Variants in DHX36 observed in about 807,000 individuals in gnomAD.
The protein encoded by DHX36 is DEAH-box helicase 36.
DHX36 carries 50 observed loss-of-function variants against 139.0 expected under a neutral mutation model. The ratio of observed to expected loss-of-function variants is 0.36; its 90% CI spans 0.29 to 0.46. The LOEUF is 0.46. Ranked by LOEUF, DHX36 falls within the 20% of genes least tolerant of loss-of-function variation. DHX36 has a pLI of 1.00. For missense variants in DHX36, 1,024 were observed against 1,211.3 expected (o/e 0.85, Z 2.29); for synonymous variants, 425 against 401.9 (o/e 1.06, Z -0.69).
chr3:154,295,788 T>C (rs1712024759), intron 12 of DHX36, among the ~76,000 whole-genome samples: 1 of 152,200 alleles, frequency 6.6e-6, no homozygotes, highest in African/African-American at 2.4e-5. Context: ...TATTTTTTTG[T>C]TGTTCAGTCA....
chr3:154,324,300 G>A lies in DHX36; in HGVS notation c.117C>T (p.Gly39=), dbSNP rs780937614. 5.6e-6 allele frequency: 9 copies of A among 1,604,630 alleles called. No individual in the cohort carries two copies. The South Asian group carries it at 8.9e-5, about 16-fold the overall frequency. The change falls in exon 1 of 25, where the codon GGC becomes GGT. Residue 39 remains glycine, a synonymous_variant. Transcript: ENST00000496811. ...GHGGNRGSGG[G]GGGGGGGRGG... ...CTCGACCACCCCCTCCGCCGCCGCC[G>A]CCTCCTCCGGAGCCTCGGTTACCTC...
intron 2 of DHX36, 128 bp from the exon 3 acceptor site, chr3:154,315,408 T>C: frequency 3.3e-6 from 2 of 605,970 alleles, no homozygotes. Context: ...TTCTTTTCTC[T>C]TAGTACAGTA....
chr3:154,294,033 C>G (rs141451669), intron 13 of DHX36, among the ~76,000 whole-genome samples: 95 of 152,276 alleles, frequency 6.2e-4, no homozygotes, highest in African/African-American at 2.1e-3. Flanking sequence ...CCACAGATGT[C>G]ACAATCTTAT....
In DHX36 at chr3:154,296,043, C is replaced by G. The variant is rs182648840; in HGVS notation, c.1550-704G>C. 3.1e-3 allele frequency among the ~76,000 whole-genome samples: 473 copies of G among 152,310 alleles called. 1 individual carries two copies. The highest frequency in any genetic ancestry group is 0.01 in the Middle Eastern group (3 of 294). On this transcript the variant is annotated intron_variant, in intron 12 of 24. Transcript: ENST00000496811. ...TCAGCCTTCCGAAGTACTGGGATTA[C>G]AGATTACAGGCATGAGCCCTGCACC...
intron 5 of DHX36, among the ~76,000 whole-genome samples, 158 bp downstream of exon 5, chr3:154,309,495 T>G (rs998097979): frequency 6.6e-6 from 1 of 152,210 alleles, no homozygotes; most frequent in Non-Finnish European, 1.5e-5. Context: ...GTTACTCAAT[T>G]TTTTGGGCTT....
At position 154,276,023 on chromosome 3, in the gene DHX36, A is replaced by G; in HGVS notation, c.*148T>C. ...ATATCTCTACATATAACATCAAGTCATGCACATTAAGTCTTTACTACCTAC... is the reference window on the plus strand; with the variant it reads ...ATATCTCTACATATAACATCAAGTCGTGCACATTAAGTCTTTACTACCTAC... On this transcript the variant is annotated 3_prime_UTR_variant, in exon 25 of 25. Coordinates refer to ENST00000496811, the MANE Select transcript of DHX36 (RefSeq NM_020865.3). The G allele has an allele frequency of 1.8e-6, 1 of 552,790 alleles. No homozygotes were observed. Among genetic ancestry groups the G allele is most frequent in the Non-Finnish European group, 3.1e-6 (1 of 317,504 alleles). The allele number at this position is 552,790 out of a possible 1,614,324, so 34.2% of individuals were successfully genotyped here.
chr3:154,303,440 A>C, intron 8 of DHX36, 30 bp from the exon 9 acceptor site: 2 of 1,476,198 alleles, frequency 1.4e-6, no homozygotes, highest in Non-Finnish European at 1.9e-6. Context: ...ATAAGCATAA[A>C]TTTGTACTCA....
At chr3:154,281,383 T>C (rs1170059745) in intron 20 of DHX36, among the ~76,000 whole-genome samples, 1 of 151,970 alleles carries the variant, frequency 6.6e-6, no homozygotes, top group Non-Finnish European at 1.5e-5. Context: ...TTTTAAATAA[T>C]GATACATGGC....
At chr3:154,306,128 A>C in intron 6 of DHX36, 88 bp downstream of exon 6, 1 of 1,012,774 alleles carries the variant, frequency 9.9e-7, no homozygotes, top group South Asian at 1.4e-5. Flanking sequence ...AACCATCATA[A>C]AAATGGGGAA....
At chr3:154,311,361 G>A (rs1255434567) in intron 4 of DHX36, among the ~76,000 whole-genome samples, 4 of 151,934 alleles carry the variant, frequency 2.6e-5, no homozygotes, top group Admixed American at 6.6e-5. Context: ...TGACTTAACT[G>A]CAAGGTATTT....
At chr3:154,310,837 A>G (rs1356436568) in intron 4 of DHX36, among the ~76,000 whole-genome samples, 7 of 106,872 alleles carry the variant, frequency 6.5e-5, no homozygotes, top group Non-Finnish European at 9.5e-5. Context: ...ATATATATAT[A>G]TATATATATA....
chr3:154,277,108 TTAAAC>T (rs967450501), intron 23 of DHX36, among the ~76,000 whole-genome samples: 7 of 152,200 alleles, frequency 4.6e-5, no homozygotes, highest in South Asian at 2.1e-4. Flanking sequence ...ATTTTTTAGT[TTAAAC>T]TAAGCACTAC....
intron 17 of DHX36, among the ~76,000 whole-genome samples, chr3:154,286,788 A>C (rs987385520): frequency 1.3e-5 from 2 of 151,958 alleles, no homozygotes; most frequent in African/African-American, 2.4e-5. Flanking sequence ...AGAAGGACCA[A>C]GACACTCTGT....
chr3:154,300,561 T>C (rs757703462), intron 11 of DHX36, 33 bp downstream of exon 11: 1 of 1,538,358 alleles, frequency 6.5e-7, no homozygotes, highest in South Asian at 1.1e-5. Context: ...AAATTAAAAT[T>C]ATGTTAACTG....
intron 12 of DHX36, among the ~76,000 whole-genome samples, chr3:154,297,436 G>A (rs1712086531): frequency 6.6e-6 from 1 of 152,174 alleles, no homozygotes; most frequent in East Asian, 1.9e-4. Flanking sequence ...GTTTTGGCTG[G>A]GTGCAGTGGC....
chr3:154,300,955 T>C (rs1411788509), intron 10 of DHX36, 32 bp downstream of exon 10: 1 of 1,605,462 alleles, frequency 6.2e-7, no homozygotes, highest in Admixed American at 1.7e-5. Flanking sequence ...ATTTAGCCAC[T>C]GATTTCTCAC....
intron 4 of DHX36, among the ~76,000 whole-genome samples, chr3:154,310,478 A>C (rs71308482): frequency 6.6e-6 from 1 of 151,704 alleles, no homozygotes; most frequent in Non-Finnish European, 1.5e-5. Context: ...TTGAAAACCT[A>C]CCTTTTAAAA....
chr3:154,324,089 A>G, intron 1 of DHX36, 85 bp downstream of exon 1: 1 of 1,436,680 alleles, frequency 7.0e-7, no homozygotes, highest in Admixed American at 2.2e-5. Context: ...ATCACTTAAG[A>G]AACAAAACCA....
chr3:154,276,987 T>A, intron 23 of DHX36, 88 bp from the exon 24 acceptor site: 1 of 1,131,672 alleles, frequency 8.8e-7, no homozygotes, highest in Non-Finnish European at 1.2e-6. Flanking sequence ...TATTAATTAA[T>A]GAGTATCTTC....
Sources: gnomAD v4.1 joint callset for allele counts (sites outside exome capture counted in the v4.1 genomes callset) on GRCh38, gnomAD v4.1.1 for gene constraint, MANE v1.5 for transcripts, NCBI Gene and HGNC (gene_info 2026-07-23, HGNC 2026-07-21) for gene names.